The following PARD3 variants were observed in gnomAD, a reference collection of about 807,000 sequenced individuals.
PARD3 encodes the protein partitioning defective 3 homolog.
A neutral mutation model predicts 155.4 loss-of-function variants in PARD3; 75 were observed. That is an observed-to-expected ratio of 0.48 (90% CI 0.40 to 0.58). The LOEUF (loss-of-function observed/expected upper bound fraction) is 0.58. Among genes scored for constraint, PARD3 ranks in the 20% least tolerant of loss-of-function variants. The pLI, the probability that PARD3 is intolerant of heterozygous loss-of-function variation, is 0.00. For missense variants in PARD3, 1,642 were observed against 1,721.7 expected (o/e 0.95, Z 0.82); for synonymous variants, 576 against 610.5 (o/e 0.94, Z 0.83).
At position 34,569,546 on chromosome 10, in the gene PARD3, C is replaced by T. The variant is rs528742394; in HGVS notation, c.223-52387G>A. ...CATTCTCCTGCCTCAGCCTCCCGAG[C>T]AGCTGGGACTACAGGTGCCCGCCAT... On this transcript the variant is annotated intron_variant, in intron 2 of 24. Transcript: ENST00000374788. 4.6e-5 allele frequency among the ~76,000 whole-genome samples: 7 copies of T among 152,040 alleles called. No individual in the cohort carries two copies. The East Asian group carries it at 1.4e-3, about 30-fold the overall frequency.
intron 23 of PARD3, among the ~76,000 whole-genome samples, chr10:34,130,859 G>C (rs1416859773): frequency 6.6e-6 from 1 of 152,134 alleles, no homozygotes; most frequent in Non-Finnish European, 1.5e-5. Flanking sequence ...CTAGGAATTT[G>C]AGACCAGCCT....
At chr10:34,785,712 T>C (rs907523602) in intron 1 of PARD3, among the ~76,000 whole-genome samples, 9 of 152,174 alleles carry the variant, frequency 5.9e-5, no homozygotes, top group African/African-American at 1.9e-4. Context: ...TGTGCATTTA[T>C]AAGGCACAAA....
chr10:34,803,955 A>T (rs759699680), intron 1 of PARD3, among the ~76,000 whole-genome samples: 2 of 152,176 alleles, frequency 1.3e-5, no homozygotes, highest in Non-Finnish European at 2.9e-5. Context: ...CAACCGCTAA[A>T]ATGCCACCAC....
At chr10:34,486,224 G>A (rs1316527435) in intron 3 of PARD3, among the ~76,000 whole-genome samples, 1 of 152,122 alleles carries the variant, frequency 6.6e-6, no homozygotes, top group Non-Finnish European at 1.5e-5. Flanking sequence ...TAATGTTAAT[G>A]CTGGTCAGTA....
chr10:34,354,350 C>T (rs1838544372), intron 14 of PARD3, among the ~76,000 whole-genome samples: 1 of 151,684 alleles, frequency 6.6e-6, no homozygotes, highest in African/African-American at 2.4e-5. Flanking sequence ...TGCACTCCAG[C>T]CTGAGCAACA....
chr10:34,700,514 T>C (rs2094254937), intron 1 of PARD3, among the ~76,000 whole-genome samples: 1 of 152,210 alleles, frequency 6.6e-6, no homozygotes, highest in African/African-American at 2.4e-5. Flanking sequence ...TACTTTTTCA[T>C]TAACCATGGC....
chr10:34,783,561 G>T (rs553592633), intron 1 of PARD3, among the ~76,000 whole-genome samples: 1 of 129,518 alleles, frequency 7.7e-6, no homozygotes, highest in Non-Finnish European at 1.5e-5. Context: ...TTGAGATCAC[G>T]CCACTGTGCT....
intron 22 of PARD3, among the ~76,000 whole-genome samples, chr10:34,152,325 T>G (rs944810234): frequency 1.3e-5 from 2 of 152,222 alleles, no homozygotes; most frequent in Non-Finnish European, 2.9e-5. Context: ...AGTATACTTA[T>G]ATGAACATAG....
chr10:34,740,418 C>G (rs750380920), intron 1 of PARD3, among the ~76,000 whole-genome samples: 7 of 152,236 alleles, frequency 4.6e-5, no homozygotes, highest in Non-Finnish European at 7.3e-5. Context: ...ACCTCTTTCA[C>G]GACCCAAGAA....
chr10:34,308,970 T>G (rs964770279), intron 20 of PARD3, among the ~76,000 whole-genome samples: 30 of 152,168 alleles, frequency 2.0e-4, no homozygotes, highest in African/African-American at 7.2e-4. Flanking sequence ...ATGATTAACA[T>G]GCTGGGTACT....
chr10:34,160,775 T>C (rs1400373089), intron 22 of PARD3, among the ~76,000 whole-genome samples: 4 of 152,214 alleles, frequency 2.6e-5, no homozygotes, highest in Admixed American at 6.5e-5. Context: ...TATGCAGTTA[T>C]TGACAGCTGG....
chr10:34,809,432 G>A (rs138197341), intron 1 of PARD3, among the ~76,000 whole-genome samples: 3 of 152,292 alleles, frequency 2.0e-5, no homozygotes, highest in African/African-American at 4.8e-5. Flanking sequence ...CACCCAGGAC[G>A]TCCCCAGGAG....
intron 2 of PARD3, among the ~76,000 whole-genome samples, chr10:34,590,271 C>A (rs1412956590): frequency 1.3e-5 from 2 of 152,198 alleles, no homozygotes; most frequent in East Asian, 3.9e-4. Context: ...CCAGCCCACA[C>A]CAACGTCCAC....
rs74948568 is a variant in PARD3 at position 34,348,094 on chromosome 10, G to A, written c.2089C>T (p.Pro697Ser). ...GTTTCAATGGGCAGCTCAGGTCCAG[G>A]GGGGCTCCCAGGTGACTTCAGCTAC... is the stretch of plus-strand genomic sequence containing the variant. ...CNELKSPGSPPGPELPIETAL... is the reference protein window; with the variant it reads ...CNELKSPGSPSGPELPIETAL... Residue 697 changes from proline to serine, a missense_variant, in exon 15 of 25, where the codon CCT becomes TCT. Transcript: ENST00000374788. 6.2e-7 allele frequency: 1 copy of A among 1,610,048 alleles called. No homozygotes were observed. Among genetic ancestry groups the A allele is most frequent in the South Asian group, 1.1e-5 (1 of 89,912 alleles).
chr10:34,270,796 C>T (rs1955577065), intron 21 of PARD3, among the ~76,000 whole-genome samples: 1 of 152,116 alleles, frequency 6.6e-6, no homozygotes, highest in South Asian at 2.1e-4. Context: ...GACTAGAAGG[C>T]ATGTATCCAA....
intron 5 of PARD3, among the ~76,000 whole-genome samples, chr10:34,416,351 G>A (rs978962970): frequency 6.6e-6 from 1 of 152,158 alleles, no homozygotes; most frequent in African/African-American, 2.4e-5. Context: ...CCAGGAGAGT[G>A]GCTCATTTCA....
chr10:34,426,610 T>C (rs141941973), intron 5 of PARD3: 1 of 152,224 alleles, frequency 6.6e-6, no homozygotes, highest in Admixed American at 6.5e-5. Flanking sequence ...AATAGTACCA[T>C]ATCGGCTTAA....
chr10:34,748,159 T>C (rs1191049326), intron 1 of PARD3, among the ~76,000 whole-genome samples: 1 of 152,180 alleles, frequency 6.6e-6, no homozygotes, highest in East Asian at 1.9e-4. Flanking sequence ...AACCCCTCCA[T>C]GCTGCATCAC....
chr10:34,171,950 C>CAAAAAAAA lies in PARD3; in HGVS notation c.3420-40375_3420-40368dup, dbSNP rs71033303. Among the ~76,000 whole-genome samples, 21 of 47,254 alleles carry CAAAAAAAA rather than the reference C, an allele frequency of 4.4e-4. 2 individuals carry two copies. Among genetic ancestry groups the CAAAAAAAA allele is most frequent in the African/African-American group, 1.5e-3 (15 of 10,306 alleles). 31.0% of individuals were successfully genotyped at this position (47,254 alleles called of 152,430 possible). ...GGGTGACAGAGATGAGACTCCATCT[C>CAAAAAAAA]AAAAAAAAAAAAAAAAAAAAAAAAA... On this transcript the variant is annotated intron_variant, in intron 22 of 24. Coordinates refer to ENST00000374788, the MANE Select transcript of PARD3 (RefSeq NM_001184785.2).
Sources: gnomAD v4.1 joint callset for allele counts (sites outside exome capture counted in the v4.1 genomes callset) on GRCh38, gnomAD v4.1.1 for gene constraint, MANE v1.5 for transcripts, NCBI Gene and HGNC (gene_info 2026-07-23, HGNC 2026-07-21) for gene names.